The following SLC46A2 variants were observed in gnomAD, a reference collection of about 807,000 sequenced individuals.
The protein encoded by SLC46A2 is solute carrier family 46 member 2, also known as thymic stromal co-transporter.
In SLC46A2, 25 loss-of-function variants were observed where a neutral mutation model predicts 33.1. The ratio of observed to expected loss-of-function variants is 0.76; its 90% confidence interval spans 0.55 to 1.06. SLC46A2 has a LOEUF of 1.06. Ranked by LOEUF, SLC46A2 falls within the 50% of genes least tolerant of loss-of-function variation. The probability of loss-of-function intolerance (pLI) is 0.00; values close to 1 mark genes in which losing one functional copy is unlikely to be tolerated. For synonymous variants in SLC46A2, 254 were observed against 275.9 expected (o/e 0.92, Z 0.79); for missense variants, 622 against 621.7 (o/e 1.00, Z 0.00).
rs142856570 is a variant in SLC46A2, at chr9:112,890,031, C to G, written c.651G>C (p.Ser217=). ...CCAAAAGGCTGTAGAGCAGGGCAAA[C>G]GAGGCACAGCTCACGCTGCAGGCCG... is the stretch of plus-strand genomic sequence containing the variant. ...ILTACSVSCA[S]FALLYSLLVL... is the part of the protein sequence containing the mutation. Residue 217 remains serine (S), a synonymous_variant, in exon 1 of 4, where the codon TCG becomes TCC. Transcript: ENST00000374228. This position sits in a 1 kb window ranked among gnomAD's most constrained non-coding sequence, Gnocchi z 6.0. 9.7e-4 allele frequency: 1,564 copies of G among 1,614,012 alleles called. 1 individual carries two copies. The highest frequency in any genetic ancestry group is 1.7e-3 in the Admixed American group (102 of 60,032).
chr9:112,888,883 T>TTG lies in SLC46A2; in HGVS notation c.1129+669_1129+670insCA, dbSNP rs1189376211. Among the ~76,000 whole-genome samples the TTG allele has an allele frequency of 1.4e-3, 208 of 144,628 alleles. 1 individual carries two copies. In the South Asian group the frequency reaches 0.018, roughly 12 times the overall value. The allele number at this position is 144,628 out of a possible 152,430, so 94.9% of individuals were successfully genotyped here. A position where few individuals can be genotyped will look rare whatever the true frequency, so the allele number is the denominator to read the frequency against. ...ATTCCACTCCTCCACGTTTTTTTTT[T>TTG]TTTGTTTGTTTGTTTTTTTTTTTTT... On this transcript the variant is annotated intron_variant, in intron 1 of 3. Transcript: ENST00000374228.
Position 112,889,542 on chromosome 9 carries a change from G to C in SLC46A2, c.1129+11C>G, listed in dbSNP as rs1242389605. ...AGCAATGTCCTGCCTCCTCAAGAAT[G>C]ACAGACTCACCAATATAGAACATGT... On this transcript the variant is annotated intron_variant, in intron 1 of 3. Transcript: ENST00000374228. 1 of 1,593,672 alleles carries C rather than the reference G, an allele frequency of 6.3e-7. No individual in the cohort carries two copies. The highest frequency in any genetic ancestry group is 1.7e-5 in the Admixed American group (1 of 58,470).
chr9:112,884,200 C>G (rs773209030), intron 3 of SLC46A2, among the ~76,000 whole-genome samples: 1 of 152,218 alleles, frequency 6.6e-6, no homozygotes, highest in Admixed American at 6.5e-5. Flanking sequence ...CAGCCACAGC[C>G]CCCTGGGATT....
At chr9:112,887,594 G>A (rs781541777) in intron 1 of SLC46A2, among the ~76,000 whole-genome samples, 181 bp from the exon 2 acceptor site, 8 of 152,198 alleles carry the variant, frequency 5.3e-5, no homozygotes, top group Non-Finnish European at 1.0e-4. Flanking sequence ...GACCCTCTGA[G>A]CTCTGATGCT....
intron 1 of SLC46A2, among the ~76,000 whole-genome samples, chr9:112,887,926 TGTGTGTGTGTGTGTGTGTGTGA>T (rs1841664780): frequency 1.4e-5 from 2 of 138,684 alleles, no homozygotes; most frequent in African/African-American, 5.8e-5. Flanking sequence ...TGTGTGTGTG[TGTGTGTGTGTGTGTGTGTGTGA>T]GAGAGAGAGA....
Position 112,886,634 on chromosome 9 carries a change from G to C in SLC46A2, c.1214-18C>G, listed in dbSNP as rs950720684. ...CACCTTTCCTGTGGAAGGGACAGAG[G>C]TTACTCCGGAGTGCCTTGCTGTCCC... On this transcript the variant is annotated intron_variant, in intron 2 of 3. Coordinates refer to ENST00000374228, the MANE Select transcript of SLC46A2 (RefSeq NM_033051.4). 6.2e-7 allele frequency: 1 copy of C among 1,613,334 alleles called. No individual in the cohort carries two copies. Among genetic ancestry groups the C allele is most frequent in the African/African-American group, 1.3e-5 (1 of 74,888 alleles).
At chr9:112,885,157 T>C (rs13440290) in intron 3 of SLC46A2, 1 of 152,128 alleles carries the variant, frequency 6.6e-6, no homozygotes, top group Non-Finnish European at 1.5e-5. Flanking sequence ...TTCTCAATTA[T>C]GAAATAATGC....
Position 112,890,453 on chromosome 9 carries a change from A to G in SLC46A2, c.229T>C (p.Phe77Leu), listed in dbSNP as rs369307698. ...EDQQQRAISN[F>L]YIIYNLVVGL... Reference sequence around the variant, plus strand: ...ACCACAAGGTTGTAGATAATGTAGAAATTGGAGATGGCTCTCTGCTGTTGG... The same window carrying G: ...ACCACAAGGTTGTAGATAATGTAGAGATTGGAGATGGCTCTCTGCTGTTGG... The change falls in exon 1 of 4, where the codon TTC (phenylalanine) becomes CTC (leucine). Residue 77 changes from phenylalanine (F) to leucine (L), a missense_variant. Physicochemically the swap from Phe to Leu is conservative, Grantham distance 22. Coordinates refer to ENST00000374228, the MANE Select transcript of SLC46A2 (RefSeq NM_033051.4). This position sits in a 1 kb window ranked among gnomAD's most constrained non-coding sequence, Gnocchi z 6.0. 1.6e-5 allele frequency: 26 copies of G among 1,614,052 alleles called. No individual in the cohort carries two copies. Among genetic ancestry groups the G allele is most frequent in the Non-Finnish European group, 2.2e-5 (26 of 1,180,016 alleles).
chr9:112,882,488 T>C (rs1237875817), intron 3 of SLC46A2, among the ~76,000 whole-genome samples: 2 of 152,096 alleles, frequency 1.3e-5, no homozygotes, highest in African/African-American at 4.8e-5. Flanking sequence ...GATTCACACT[T>C]TAAGGACCTT....
intron 1 of SLC46A2, among the ~76,000 whole-genome samples, chr9:112,887,937 G>A (rs1371261479): frequency 7.0e-6 from 1 of 143,772 alleles, no homozygotes; most frequent in African/African-American, 2.7e-5. Flanking sequence ...GTGTGTGTGT[G>A]TGTGTGTGTG....
In SLC46A2 at chr9:112,890,186, C is replaced by G; in HGVS notation, c.496G>C (p.Glu166Gln). 1 of 1,612,938 alleles carries G rather than the reference C, an allele frequency of 6.2e-7. No individual in the cohort carries two copies. The highest frequency in any genetic ancestry group is 8.5e-7 in the Non-Finnish European group (1 of 1,179,872). ...VMALGSLGSS[E>Q]GRRSVRLILI... ...ATGAGGCGCACAGAGCGGCGGCCCTCGGAGGAGCCCAGCGATCCCAGCGCC... is the reference window on the plus strand; with the variant it reads ...ATGAGGCGCACAGAGCGGCGGCCCTGGGAGGAGCCCAGCGATCCCAGCGCC... The change falls in exon 1 of 4, where the codon GAG becomes CAG. Residue 166 changes from glutamate (E) to glutamine (Q), a missense_variant. Transcript: ENST00000374228. This position sits in a 1 kb window ranked among gnomAD's most constrained non-coding sequence, Gnocchi z 6.0.
In SLC46A2 at chr9:112,887,431, A is replaced by G. The variant is rs756982655; in HGVS notation, c.1130-18T>C. On this transcript the variant is annotated intron_variant, in intron 1 of 3. Coordinates refer to ENST00000374228, the MANE Select transcript of SLC46A2 (RefSeq NM_033051.4). ...GGCTCGAGCTGAAAGAGATCACACA[A>G]GAACACTCCTTGCTGTAGCCCAGCC... The G allele has an allele frequency of 1.3e-6, 2 of 1,595,164 alleles. No homozygotes were observed. Among genetic ancestry groups the G allele is most frequent in the East Asian group, 2.3e-5 (1 of 44,062 alleles).
chr9:112,889,533 C>A lies in SLC46A2; in HGVS notation c.1129+20G>T, dbSNP rs771391307. On this transcript the variant is annotated intron_variant, in intron 1 of 3. Coordinates refer to ENST00000374228, the MANE Select transcript of SLC46A2 (RefSeq NM_033051.4). ...CAGAGGGCTAGCAATGTCCTGCCTCCTCAAGAATGACAGACTCACCAATAT... is the reference window on the plus strand; with the variant it reads ...CAGAGGGCTAGCAATGTCCTGCCTCATCAAGAATGACAGACTCACCAATAT... 3.2e-6 allele frequency: 5 copies of A among 1,584,232 alleles called. No homozygotes were observed. In the Admixed American group the frequency reaches 6.9e-5, roughly 22 times the overall value.
chr9:112,886,898 A>T (rs1356788652), intron 2 of SLC46A2, among the ~76,000 whole-genome samples: 4 of 151,730 alleles, frequency 2.6e-5, no homozygotes, highest in East Asian at 1.9e-4. Flanking sequence ...CTAATTTTTA[A>T]TTTTTTTTGT....
rs1270928702 is a variant in SLC46A2 at position 112,889,988 on chromosome 9, A to G, written c.694T>C (p.Ser232Pro). The G allele has an allele frequency of 1.2e-6, 2 of 1,613,978 alleles. No homozygotes were observed. The highest frequency in any genetic ancestry group is 1.7e-5 in the Admixed American group (1 of 60,008). Residue 232 changes from serine to proline, a missense_variant, in exon 1 of 4, where the codon TCG (serine) becomes CCG (proline). By Grantham distance (74) the Ser-to-Pro change is moderately conservative. Transcript: ENST00000374228. ...AGCTCCTGGCTGGGTTTGGCCACCGACTCAGGGACCTTTAGCACCAAAAGG... is the reference window on the plus strand; with the variant it reads ...AGCTCCTGGCTGGGTTTGGCCACCGGCTCAGGGACCTTTAGCACCAAAAGG... ...YSLLVLKVPE[S>P]VAKPSQELPA... is the part of the protein sequence containing the mutation.
chr9:112,887,547 C>T, intron 1 of SLC46A2, 134 bp from the exon 2 acceptor site: 1 of 737,542 alleles, frequency 1.4e-6, no homozygotes, highest in Non-Finnish European at 2.1e-6. Context: ...AGTCATTTCT[C>T]TGCTGGCACA....
At chr9:112,886,351 A>G (rs1841642038) in intron 3 of SLC46A2, 109 bp downstream of exon 3, 2 of 1,236,916 alleles carry the variant, frequency 1.6e-6, no homozygotes, top group Non-Finnish European at 1.2e-6. Context: ...CCCACTGCAT[A>G]AATGCTGAAA....
At chr9:112,885,136 CTATCT>C (rs1362257509) in intron 3 of SLC46A2, 2 of 152,098 alleles carry the variant, frequency 1.3e-5, no homozygotes, top group Admixed American at 6.6e-5. Context: ...TTTGGTCTTC[CTATCT>C]TATTTTTCTC....
At chr9:112,886,966 C>A (rs189710984) in intron 2 of SLC46A2, among the ~76,000 whole-genome samples, 168 of 152,218 alleles carry the variant, frequency 1.1e-3, no homozygotes, top group African/African-American at 3.9e-3. Context: ...CAGCCTCATG[C>A]GATCCTCTCA....
Sources: gnomAD v4.1 joint callset for allele counts (sites outside exome capture counted in the v4.1 genomes callset) on GRCh38, gnomAD v4.1.1 for gene constraint, Gnocchi (gnomAD v3.1) non-coding constraint, MANE v1.5 for transcripts, NCBI Gene and HGNC (gene_info 2026-07-23, HGNC 2026-07-21) for gene names.